Variants in LGI3 observed in about 807,000 individuals in gnomAD.
LGI3 encodes leucine rich repeat LGI family member 3, also known as leucine-rich repeat LGI family member 3.
A neutral mutation model predicts 55.4 loss-of-function variants in LGI3; 47 were observed. The ratio of observed to expected loss-of-function variants is 0.85; its 90% CI spans 0.67 to 1.08. The LOEUF (loss-of-function observed/expected upper bound fraction) is 1.08, where lower values mean the gene tolerates loss of function less well. LGI3 is among the 50% of genes least tolerant of loss of function. LGI3 has a pLI of 0.00. For missense variants in LGI3, 664 were observed against 726.3 expected (o/e 0.91, Z 0.99); for synonymous variants, 326 against 315.0 (o/e 1.04, Z -0.37).
rs1330910849 is a variant in LGI3 at position 22,151,623 on chromosome 8, G to A, written c.695C>T (p.Pro232Leu). The change falls in exon 7 of 8, where the codon CCA becomes CTA. Residue 232 changes from proline (P) to leucine (L), a missense_variant. Coordinates refer to ENST00000306317, the MANE Select transcript of LGI3 (RefSeq NM_139278.4). Reference sequence around the variant, plus strand: ...GAGGAAGGGCTCAGCCGACACTGCTGGGAAGGCCAGGGTCTGGTACAACAC... The same window carrying A: ...GAGGAAGGGCTCAGCCGACACTGCTAGGAAGGCCAGGGTCTGGTACAACAC... ...DFVLYQTLAFPAVSAEPFLYS... is the reference protein window; with the variant it reads ...DFVLYQTLAFLAVSAEPFLYS... The A allele has an allele frequency of 6.2e-7, 1 of 1,614,072 alleles. No individual in the cohort carries two copies. Among genetic ancestry groups the A allele is most frequent in the Non-Finnish European group, 8.5e-7 (1 of 1,179,978 alleles).
At chr8:22,153,499 G>A (rs538357061) in intron 5 of LGI3, among the ~76,000 whole-genome samples, 20 of 151,698 alleles carry the variant, frequency 1.3e-4, no homozygotes, top group Non-Finnish European at 2.7e-4. Context: ...TTAGGAGCTC[G>A]AGACCAGTCT....
intron 6 of LGI3, 68 bp from the exon 7 acceptor site, chr8:22,151,721 T>G: frequency 1.3e-6 from 2 of 1,580,382 alleles, no homozygotes; most frequent in East Asian, 4.5e-5. Context: ...GTGATGGTGG[T>G]TGCTTTACTG....
chr8:22,154,462 G>T, intron 3 of LGI3, 98 bp downstream of exon 3: 1 of 1,074,216 alleles, frequency 9.3e-7, no homozygotes, highest in Non-Finnish European at 1.4e-6. Flanking sequence ...TTCCCTTCCT[G>T]CGGCATTCTC....
chr8:22,154,307 TC>T, intron 3 of LGI3, 94 bp from the exon 4 acceptor site: 2 of 1,075,824 alleles, frequency 1.9e-6, no homozygotes, highest in South Asian at 1.3e-5. Flanking sequence ...TCAGCCCGTG[TC>T]CCCGAGACAG....
chr8:22,151,681 G>A, intron 6 of LGI3, 28 bp from the exon 7 acceptor site: 1 of 1,609,696 alleles, frequency 6.2e-7, no homozygotes, highest in Non-Finnish European at 8.5e-7. Context: ...CGTTACTGAA[G>A]ACCAGAGGGA....
At chr8:22,149,274 CA>C (rs1308758780) in intron 7 of LGI3, among the ~76,000 whole-genome samples, 1 of 152,204 alleles carries the variant, frequency 6.6e-6, no homozygotes, top group Non-Finnish European at 1.5e-5. Context: ...ACCATAATGT[CA>C]GTAATTGAAT....
chr8:22,148,890 T>C lies in LGI3; in HGVS notation c.917A>G (p.Tyr306Cys), dbSNP rs756239549. ...GCGCGTGGTGTTGGGATCCCAGTGG[T>C]AAATGTAAGAGCCGCCAAACAGCTG... ...VAQLFGGSYI[Y>C]HWDPNTTRFT... The change falls in exon 8 of 8, where the codon TAC (tyrosine) becomes TGC (cysteine). Residue 306 changes from tyrosine to cysteine, a missense_variant. By Grantham distance (194) the Tyr-to-Cys change is radical. Transcript: ENST00000306317. This position sits in a 1 kb window ranked among gnomAD's most constrained non-coding sequence, Gnocchi z 7.0. The C allele has an allele frequency of 1.2e-6, 2 of 1,614,104 alleles. No homozygotes were observed. Among genetic ancestry groups the C allele is most frequent in the Non-Finnish European group, 1.7e-6 (2 of 1,180,012 alleles).
chr8:22,148,108 C>T lies in LGI3; in HGVS notation c.*52G>A. 7.6e-6 allele frequency: 11 copies of T among 1,452,930 alleles called. No homozygotes were observed. The highest frequency in any genetic ancestry group is 1.0e-5 in the Non-Finnish European group (11 of 1,077,412). The allele number at this position is 1,452,930 out of a possible 1,614,324, so 90.0% of individuals were successfully genotyped here. A position where few individuals can be genotyped will look rare whatever the true frequency, so the allele number is the denominator to read the frequency against. On this transcript the variant is annotated 3_prime_UTR_variant, in exon 8 of 8. Transcript: ENST00000306317. This position sits in a 1 kb window ranked among gnomAD's most constrained non-coding sequence, Gnocchi z 7.0. ...GGCATACGTGGTGCTCACAGAGGCC[C>T]CCACCCATCCTCCAGTGGCCACCCT... is the stretch of plus-strand genomic sequence containing the variant.
chr8:22,150,823 G>A (rs1284439214), intron 7 of LGI3, among the ~76,000 whole-genome samples: 1 of 151,500 alleles, frequency 6.6e-6, no homozygotes, highest in Admixed American at 6.6e-5. Context: ...CTAAAATGCA[G>A]ACTGGATCAC....
intron 6 of LGI3, 68 bp from the exon 7 acceptor site, chr8:22,151,721 T>C: frequency 6.3e-7 from 1 of 1,580,382 alleles, no homozygotes; most frequent in East Asian, 2.2e-5. Context: ...GTGATGGTGG[T>C]TGCTTTACTG....
chr8:22,153,709 A>AT (rs1827415314), intron 5 of LGI3, among the ~76,000 whole-genome samples: 4 of 132,864 alleles, frequency 3.0e-5, no homozygotes, highest in African/African-American at 9.2e-5. Context: ...TCCGTCTATA[A>AT]TTAAAAAAAA....
intron 5 of LGI3, 97 bp downstream of exon 5, chr8:22,153,871 A>G (rs1472322055): frequency 2.3e-6 from 3 of 1,305,442 alleles, no homozygotes; most frequent in Non-Finnish European, 3.3e-6. Context: ...CCAGCCTCTC[A>G]AGACCTTATG....
intron 2 of LGI3, chr8:22,154,974 G>A: frequency 4.8e-6 from 2 of 413,962 alleles, no homozygotes; most frequent in Non-Finnish European, 8.9e-6. Flanking sequence ...CTCATGGACG[G>A]CATCTTGTAG....
intron 3 of LGI3, 29 bp from the exon 4 acceptor site, chr8:22,154,242 C>G (rs774377624): frequency 6.3e-7 from 1 of 1,586,370 alleles, no homozygotes; most frequent in Non-Finnish European, 8.7e-7. Flanking sequence ...TGCCTCAGTG[C>G]TCACACAGGA....
intron 5 of LGI3, among the ~76,000 whole-genome samples, chr8:22,153,651 G>A (rs2131796202): frequency 6.6e-6 from 1 of 151,638 alleles, no homozygotes; most frequent in South Asian, 2.1e-4. Context: ...AGGTTGCAGT[G>A]AGCCGAGATT....
At chr8:22,156,251 G>A (rs1827496389) in intron 1 of LGI3, 86 bp downstream of exon 1, 2 of 1,414,440 alleles carry the variant, frequency 1.4e-6, no homozygotes, top group Admixed American at 1.9e-5. Flanking sequence ...CTGAAGAGGG[G>A]GAGCGGGGGT....
Position 22,155,465 on chromosome 8 carries a change from T to A in LGI3, c.207-2A>T, listed in dbSNP as rs369523689. On this transcript the variant is annotated splice_acceptor_variant, in intron 1 of 7. Transcript: ENST00000306317. LOFTEE classifies it high-confidence loss of function. ...GAGAAGGCGGCATTCACCAGGGTCC[T>A]GCGGGGACACCCGAGTCAGTACTGT... 6.2e-7 allele frequency: 1 copy of A among 1,613,450 alleles called. No individual in the cohort carries two copies. The highest frequency in any genetic ancestry group is 1.3e-5 in the African/African-American group (1 of 74,936).
At position 22,154,700 on chromosome 8, in the gene LGI3, C is replaced by G. The variant is rs201800262; in HGVS notation, c.279-69G>C. 5.6e-5 allele frequency: 69 copies of G among 1,239,278 alleles called. No individual in the cohort carries two copies. In the East Asian group the frequency reaches 1.3e-3, roughly 24 times the overall value. 76.8% of individuals were successfully genotyped at this position (1,239,278 alleles called of 1,614,324 possible). ...GCTGCCCCAGCCCCCAGCCCGCTGC[C>G]TCAGCCCTGGGCTTCCCCAAGACAT... On this transcript the variant is annotated intron_variant, in intron 2 of 7. Coordinates refer to ENST00000306317, the MANE Select transcript of LGI3 (RefSeq NM_139278.4).
chr8:22,156,575 C>T lies in LGI3; in HGVS notation c.-33G>A, dbSNP rs1827509678. Reference sequence around the variant, plus strand: ...GCGATCTCTCCCTGGGGCCGGCGGCCGCGGCCCCCGCCCCACCGCTCCCGC... The same window carrying T: ...GCGATCTCTCCCTGGGGCCGGCGGCTGCGGCCCCCGCCCCACCGCTCCCGC... On this transcript the variant is annotated 5_prime_UTR_variant, in exon 1 of 8. Coordinates refer to ENST00000306317, the MANE Select transcript of LGI3 (RefSeq NM_139278.4). 3.4e-6 allele frequency: 3 copies of T among 884,020 alleles called. No homozygotes were observed. The highest frequency in any genetic ancestry group is 9.8e-5 in the South Asian group (2 of 20,402). The allele number at this position is 884,020 out of a possible 1,614,324, so 54.8% of individuals were successfully genotyped here.
Sources: allele counts gnomAD v4.1 joint callset (sites outside exome capture counted in the v4.1 genomes callset), GRCh38; gene constraint gnomAD v4.1.1; non-coding constraint Gnocchi (gnomAD v3.1); transcripts MANE v1.5; gene names NCBI Gene and HGNC (gene_info 2026-07-23, HGNC 2026-07-21).